SEMA3A: variants seen among roughly 807,000 people sequenced by gnomAD.
SEMA3A encodes the protein semaphorin-3A.
In SEMA3A, 29 loss-of-function variants were observed where a neutral mutation model predicts 97.9. That is an observed-to-expected ratio of 0.30 (90% CI 0.22 to 0.40). The LOEUF is 0.40. SEMA3A is among the 10% of genes least tolerant of loss of function. The pLI is 1.00. For synonymous variants in SEMA3A, 321 were observed against 323.7 expected, an observed-to-expected ratio of 0.99 and a Z score of 0.09; for missense variants, 763 against 951.3, an observed-to-expected ratio of 0.80 and a Z score of 2.60.
At chr7:84,482,277 A>G (rs936927423) in intron 1 of SEMA3A, among the ~76,000 whole-genome samples, 2 of 152,158 alleles carry the variant, frequency 1.3e-5, no homozygotes, top group African/African-American at 4.8e-5. Context: ...CTTTTGGATA[A>G]TTCTCTATCA....
At position 84,417,485 on chromosome 7, in the gene SEMA3A, T is replaced by G. The variant is rs535239020; in HGVS notation, c.-245-45585A>C. Among the ~76,000 whole-genome samples the G allele has an allele frequency of 3.7e-4, 57 of 152,252 alleles. 1 individual carries two copies. Among genetic ancestry groups the G allele is most frequent in the Admixed American group, 2.0e-3 (31 of 15,276 alleles). On this transcript the variant is annotated intron_variant, in intron 1 of 3. Coordinates refer to the SEMA3A transcript ENST00000424555. ...AATATATTTCTTCACCAAAAATTTA[T>G]GACGCGTTTGTTTCCATATAACATC...
chr7:84,487,328 G>C (rs1244942443), intron 1 of SEMA3A, among the ~76,000 whole-genome samples: 1 of 152,010 alleles, frequency 6.6e-6, no homozygotes, highest in East Asian at 1.9e-4. Flanking sequence ...ACTGCTGGCT[G>C]GGACTTCAGG....
chr7:84,453,356 C>T (rs1339235427), intron 1 of SEMA3A, among the ~76,000 whole-genome samples: 1 of 151,620 alleles, frequency 6.6e-6, no homozygotes, highest in Non-Finnish European at 1.5e-5. Context: ...CCTGCCTCAG[C>T]CTCCCGAGTA....
At chr7:84,089,498 T>C (rs1224853900) in intron 4 of SEMA3A, among the ~76,000 whole-genome samples, 1 of 133,384 alleles carries the variant, frequency 7.5e-6, no homozygotes, top group East Asian at 2.3e-4. Context: ...AATGTAATTA[T>C]GGGTTTGGAG....
At chr7:84,016,054 C>T (rs4732532) in intron 6 of SEMA3A, among the ~76,000 whole-genome samples, 46,809 of 151,686 alleles carry the variant, frequency 0.31, 8,200 homozygotes, top group East Asian at 0.61. Context: ...TACTTGTTCA[C>T]ATTCATATAT....
chr7:84,341,288 C>T (rs1802161239), intron 2 of SEMA3A, among the ~76,000 whole-genome samples: 3 of 152,108 alleles, frequency 2.0e-5, no homozygotes, highest in African/African-American at 7.2e-5. Flanking sequence ...TTAAGCATTT[C>T]TTATGTGTGA....
At chr7:84,071,465 G>A (rs948580770) in intron 4 of SEMA3A, among the ~76,000 whole-genome samples, 10 of 152,058 alleles carry the variant, frequency 6.6e-5, no homozygotes, top group East Asian at 5.8e-4. Flanking sequence ...GGAGTTATGC[G>A]AAGTGGTGTT....
At chr7:84,281,374 T>A (rs1448974815) in intron 3 of SEMA3A, among the ~76,000 whole-genome samples, 1 of 152,170 alleles carries the variant, frequency 6.6e-6, no homozygotes, top group Non-Finnish European at 1.5e-5. Context: ...CTGGGGATAC[T>A]GCCCACATGA....
chr7:84,078,315 C>G (rs980730505), intron 4 of SEMA3A, among the ~76,000 whole-genome samples: 1 of 151,900 alleles, frequency 6.6e-6, no homozygotes, highest in African/African-American at 2.4e-5. Flanking sequence ...TTCATGAAAC[C>G]TAAGGGGTTT....
At chr7:84,162,581 C>T (rs1797068651) in intron 1 of SEMA3A, among the ~76,000 whole-genome samples, 1 of 151,224 alleles carries the variant, frequency 6.6e-6, no homozygotes, top group South Asian at 2.1e-4. Context: ...CTCATATCCT[C>T]AATTTTTTTT....
chr7:84,097,023 G>A (rs1452393106), intron 4 of SEMA3A, among the ~76,000 whole-genome samples: 2 of 152,020 alleles, frequency 1.3e-5, no homozygotes, highest in Non-Finnish European at 2.9e-5. Flanking sequence ...ACAAGAATAC[G>A]GATTCTTAAG....
At chr7:84,281,941 T>A (rs1353222050) in intron 3 of SEMA3A, among the ~76,000 whole-genome samples, 1 of 152,184 alleles carries the variant, frequency 6.6e-6, no homozygotes, top group Non-Finnish European at 1.5e-5. Context: ...CTTCTGTATC[T>A]TCATGGATAT....
intron 3 of SEMA3A, among the ~76,000 whole-genome samples, chr7:84,278,675 T>C (rs1800369353): frequency 6.6e-6 from 1 of 151,954 alleles, no homozygotes; most frequent in African/African-American, 2.4e-5. Flanking sequence ...GAGCACATGG[T>C]GAAAACAGGA....
chr7:84,384,513 A>C (rs765041065), intron 1 of SEMA3A, among the ~76,000 whole-genome samples: 42 of 152,180 alleles, frequency 2.8e-4, no homozygotes, highest in Non-Finnish European at 7.3e-5. Flanking sequence ...AATCTAAAAA[A>C]TGTCAGAGAC....
chr7:83,968,915 A>G (rs113867619), intron 15 of SEMA3A, among the ~76,000 whole-genome samples: 108 of 149,018 alleles, frequency 7.2e-4, no homozygotes, highest in African/African-American at 2.6e-3. Context: ...GGTTCAAACA[A>G]TTCTCCTGCC....
At chr7:84,312,092 G>A (rs369150061) in intron 2 of SEMA3A, among the ~76,000 whole-genome samples, 4 of 151,950 alleles carry the variant, frequency 2.6e-5, no homozygotes, top group African/African-American at 7.2e-5. Context: ...AATGTAATTG[G>A]CCATGAATGT....
chr7:84,103,424 G>A (rs745572893), intron 4 of SEMA3A, among the ~76,000 whole-genome samples: 38 of 152,224 alleles, frequency 2.5e-4, no homozygotes, highest in Admixed American at 4.6e-4. Flanking sequence ...AATTATGACT[G>A]TGGGATAGCC....
intron 2 of SEMA3A, among the ~76,000 whole-genome samples, chr7:84,371,476 TTTAGG>T (rs1802975809): frequency 7.9e-5 from 12 of 151,970 alleles, no homozygotes; most frequent in Middle Eastern, 3.4e-3. Flanking sequence ...TGGAAAAGCA[TTTAGG>T]TCTTAATTGT....
At chr7:84,124,172 T>G (rs1190599282) in intron 3 of SEMA3A, among the ~76,000 whole-genome samples, 1 of 152,168 alleles carries the variant, frequency 6.6e-6, no homozygotes, top group African/African-American at 2.4e-5. Flanking sequence ...ACTCTAAAAG[T>G]GCATAAGATT....
Sources: allele counts gnomAD v4.1 joint callset (sites outside exome capture counted in the v4.1 genomes callset), GRCh38; gene constraint gnomAD v4.1.1; transcripts MANE v1.5; gene names NCBI Gene and HGNC (gene_info 2026-07-23, HGNC 2026-07-21).